IL16: variants seen among roughly 807,000 people sequenced by gnomAD.
The protein encoded by IL16 is pro-interleukin-16.
A neutral mutation model predicts 110.1 loss-of-function variants in IL16; 67 were observed. That is an observed-to-expected ratio of 0.61 (90% CI 0.50 to 0.75). The LOEUF is 0.75. Among genes scored for constraint, IL16 ranks in the 30% least tolerant of loss-of-function variants. The probability of loss-of-function intolerance (pLI) is 0.00; values close to 1 mark genes in which losing one functional copy is unlikely to be tolerated. For synonymous variants in IL16, 689 were observed against 662.9 expected (o/e 1.04, Z -0.61); for missense variants, 1,545 against 1,655.0 (o/e 0.93, Z 1.15).
intron 16 of IL16, among the ~76,000 whole-genome samples, chr15:81,305,088 G>A (rs552274574): frequency 6.6e-5 from 10 of 152,314 alleles, no homozygotes; most frequent in African/African-American, 2.2e-4. Context: ...GACTGCCTAG[G>A]AGAGTGTTTC....
In IL16 at chr15:81,308,848, C is replaced by T; in HGVS notation, c.*50C>T. 1 of 1,470,522 alleles carries T rather than the reference C, an allele frequency of 6.8e-7. No individual in the cohort carries two copies. The highest frequency in any genetic ancestry group is 9.3e-7 in the Non-Finnish European group (1 of 1,077,320). 91.1% of individuals were successfully genotyped at this position (1,470,522 alleles called of 1,614,324 possible). ...AATAACACACAGCTAACACACAGCT[C>T]CCATAACCGCTGATTCTCAGGGTCT... is the stretch of plus-strand genomic sequence containing the variant. On this transcript the variant is annotated 3_prime_UTR_variant, in exon 19 of 19. Coordinates refer to ENST00000683961, the MANE Select transcript of IL16 (RefSeq NM_172217.5).
At chr15:81,224,634 G>C (rs933994193) in intron 1 of IL16, among the ~76,000 whole-genome samples, 12 of 152,238 alleles carry the variant, frequency 7.9e-5, no homozygotes, top group African/African-American at 2.7e-4. Context: ...GCAGGCACTT[G>C]CCAAGTGTCA....
At chr15:81,285,948 G>A in intron 10 of IL16, 118 bp downstream of exon 10, 1 of 1,079,358 alleles carries the variant, frequency 9.3e-7, no homozygotes, top group Non-Finnish European at 1.4e-6. Flanking sequence ...GAATTCCCAA[G>A]AATCCCTTCC....
chr15:81,217,829 G>A (rs12439542), intron 1 of IL16, among the ~76,000 whole-genome samples: 13,027 of 152,098 alleles, frequency 0.086, 907 homozygotes, highest in South Asian at 0.3. Flanking sequence ...ACAACCACCC[G>A]TTCTTGATGA....
chr15:81,289,407 T>G (rs901067946), intron 10 of IL16, among the ~76,000 whole-genome samples: 3 of 152,224 alleles, frequency 2.0e-5, no homozygotes, highest in African/African-American at 7.2e-5. Flanking sequence ...AGTGCTGGGA[T>G]TAGAAGCATG....
chr15:81,217,828 C>T (rs908966124), intron 1 of IL16, among the ~76,000 whole-genome samples: 1 of 152,126 alleles, frequency 6.6e-6, no homozygotes, highest in Non-Finnish European at 1.5e-5. Context: ...AACAACCACC[C>T]GTTCTTGATG....
chr15:81,194,669 G>A (rs562498626), upstream of IL16, among the ~76,000 whole-genome samples: 1 of 152,244 alleles, frequency 6.6e-6, no homozygotes, highest in South Asian at 2.1e-4. Flanking sequence ...AGAATCACTT[G>A]TTGAACAGAT....
chr15:81,270,686 A>C (rs116578313), intron 5 of IL16, among the ~76,000 whole-genome samples: 1 of 152,102 alleles, frequency 6.6e-6, no homozygotes, highest in Non-Finnish European at 1.5e-5. Context: ...TTGACTTTTA[A>C]ATTGTTTGCA....
chr15:81,217,171 G>A, intron 1 of IL16, among the ~76,000 whole-genome samples: 1 of 152,280 alleles, frequency 6.6e-6, no homozygotes, highest in African/African-American at 2.4e-5. Flanking sequence ...ATAGCCCTCA[G>A]TGAAGACAAA....
intron 1 of IL16, among the ~76,000 whole-genome samples, chr15:81,213,364 G>A (rs751814638): frequency 5.3e-5 from 8 of 152,134 alleles, no homozygotes; most frequent in Admixed American, 2.6e-4. Context: ...TATATATTCC[G>A]TGATTGTTGT....
At chr15:81,232,056 T>TTTTTTTTTTTTC (rs1567009322) in intron 2 of IL16, among the ~76,000 whole-genome samples, 4 of 141,662 alleles carry the variant, frequency 2.8e-5, no homozygotes, top group Non-Finnish European at 6.1e-5. Flanking sequence ...TTTTTTTTTT[T>TTTTTTTTTTTTC]TTTTTTTTTT....
intron 2 of IL16, among the ~76,000 whole-genome samples, chr15:81,246,593 C>G (rs1897558289): frequency 6.6e-6 from 1 of 152,052 alleles, no homozygotes; most frequent in Non-Finnish European, 1.5e-5. Context: ...GAATTTTTCT[C>G]CTGTACTGGT....
chr15:81,199,424 C>G (rs74030013), intron 1 of IL16, among the ~76,000 whole-genome samples: 1,796 of 152,302 alleles, frequency 0.012, 35 homozygotes, highest in Middle Eastern at 0.044. Flanking sequence ...CGGAGCCCAT[C>G]AGGAGGGAGG....
chr15:81,298,372 C>T (rs898602835), intron 13 of IL16, among the ~76,000 whole-genome samples: 1 of 152,222 alleles, frequency 6.6e-6, no homozygotes, highest in Admixed American at 6.5e-5. Flanking sequence ...GGCCAGCCTC[C>T]CTCTGCCCCT....
intron 16 of IL16, 32 bp from the exon 17 acceptor site, chr15:81,305,876 T>C: frequency 6.2e-7 from 1 of 1,608,234 alleles, no homozygotes; most frequent in Non-Finnish European, 8.5e-7. Flanking sequence ...ACTTGTGTGA[T>C]TTCTGGTCCT....
At position 81,306,073 on chromosome 15, in the gene IL16, A is replaced by G. The variant is rs764953571; in HGVS notation, c.3586A>G (p.Arg1196Gly). The change falls in exon 17 of 19, where the codon AGG (arginine) becomes GGG (glycine). Residue 1196 changes from arginine to glycine, a missense_variant. By Grantham distance (125) the Arg-to-Gly change is moderately radical. Around this residue, in one of 3 missense-constraint regions of IL16, gnomAD observed 356 missense variants for 399.3 expected, o/e 0.89. Coordinates refer to ENST00000683961, the MANE Select transcript of IL16 (RefSeq NM_172217.5). ...GCCCAGGCAAGCTGTGATTGTCACAAGGAAGCTGACTCCAGAGGCCATGCC... is the reference window on the plus strand; with the variant it reads ...GCCCAGGCAAGCTGTGATTGTCACAGGGAAGCTGACTCCAGAGGCCATGCC... ...REPRQAVIVT[R>G]KLTPEAMPDL... 6 of 1,614,082 alleles carry G rather than the reference A, an allele frequency of 3.7e-6. No homozygotes were observed. The South Asian group carries it at 4.4e-5, about 12-fold the overall frequency.
At position 81,308,583 on chromosome 15, in the gene IL16, A is replaced by C. The variant is rs756249693; in HGVS notation, c.3806-22A>C. ...TTGTTCCCCATCATCTGTGGAACCC[A>C]TTACCTTCTCCCTCATTTCAGGAGC... On this transcript the variant is annotated intron_variant, in intron 18 of 18. Coordinates refer to ENST00000683961, the MANE Select transcript of IL16 (RefSeq NM_172217.5). The C allele has an allele frequency of 1.9e-5, 30 of 1,574,442 alleles. 1 individual carries two copies. The South Asian group carries it at 3.5e-4, about 18-fold the overall frequency.
intron 4 of IL16, among the ~76,000 whole-genome samples, chr15:81,266,943 T>C (rs1898408724): frequency 6.6e-6 from 1 of 152,148 alleles, no homozygotes; most frequent in South Asian, 2.1e-4. Context: ...TTTCCTTGAG[T>C]CAATGTGTTT....
intron 5 of IL16, 136 bp from the exon 6 acceptor site, chr15:81,272,945 AACCTCTGAG>A (rs67581249): frequency 2.9e-3 from 1,256 of 425,974 alleles, no homozygotes; most frequent in Middle Eastern, 8.1e-3. Context: ...TGTTGTTGTT[AACCTCTGAG>A]ACCTCTGAGA....
Sources: gnomAD v4.1 joint callset for allele counts (sites outside exome capture counted in the v4.1 genomes callset) on GRCh38, gnomAD v4.1.1 for gene constraint, gnomAD v4.1.1 regional missense constraint, MANE v1.5 for transcripts, NCBI Gene and HGNC (gene_info 2026-07-23, HGNC 2026-07-21) for gene names.